Variants in SHROOM3 observed in about 807,000 individuals in gnomAD.
The protein encoded by SHROOM3 is shroom family member 3.
Under a neutral mutation model 138.6 loss-of-function variants are expected in SHROOM3, and 47 were observed. The ratio of observed to expected loss-of-function variants is 0.34; its 90% CI spans 0.27 to 0.43. SHROOM3 has a LOEUF of 0.43. Among genes scored for constraint, SHROOM3 ranks in the 20% least tolerant of loss-of-function variants. SHROOM3 has a pLI of 1.00. For synonymous variants in SHROOM3, 1,062 were observed against 1,063.3 expected (o/e 1.00, Z 0.02); for missense variants, 2,491 against 2,596.5 (o/e 0.96, Z 0.88).
At chr4:76,436,392 T>A (rs1352430303) in intron 1 of SHROOM3, among the ~76,000 whole-genome samples, 172 bp downstream of exon 1, 1 of 152,198 alleles carries the variant, frequency 6.6e-6, no homozygotes, top group Non-Finnish European at 1.5e-5. Flanking sequence ...AAGAAAAATG[T>A]GTCTAGCTCA....
At chr4:76,560,296 A>G (rs1733573542) in intron 2 of SHROOM3, among the ~76,000 whole-genome samples, 1 of 152,214 alleles carries the variant, frequency 6.6e-6, no homozygotes, top group South Asian at 2.1e-4. Context: ...TAGTATAAGG[A>G]ATGCTCACTG....
At chr4:76,449,883 G>A (rs1730890548) in intron 1 of SHROOM3, among the ~76,000 whole-genome samples, 1 of 152,202 alleles carries the variant, frequency 6.6e-6, no homozygotes, top group South Asian at 2.1e-4. Flanking sequence ...AGTCTGAACT[G>A]TGAATAATAG....
chr4:76,742,025 G>A (rs1721276304), intron 5 of SHROOM3, 99 bp downstream of exon 5: 4 of 1,464,688 alleles, frequency 2.7e-6, no homozygotes, highest in South Asian at 2.4e-5. Flanking sequence ...CGCTCTCCCA[G>A]TTCAGTTTTC....
chr4:76,556,301 C>T (rs1010080384), intron 2 of SHROOM3, among the ~76,000 whole-genome samples: 2 of 152,130 alleles, frequency 1.3e-5, no homozygotes, highest in African/African-American at 2.4e-5. Flanking sequence ...TTTGTACTCC[C>T]GGGAACCAAC....
At chr4:76,610,854 GT>G (rs1734745967) in intron 2 of SHROOM3, among the ~76,000 whole-genome samples, 1 of 152,148 alleles carries the variant, frequency 6.6e-6, no homozygotes, top group African/African-American at 2.4e-5. Flanking sequence ...TGATGAACAT[GT>G]TTTCTCCAGA....
chr4:76,593,166 A>T (rs1231256239), intron 2 of SHROOM3, among the ~76,000 whole-genome samples: 2 of 152,250 alleles, frequency 1.3e-5, no homozygotes, highest in African/African-American at 4.8e-5. Flanking sequence ...AAAAGGAATT[A>T]TTGATGATAA....
At chr4:76,492,987 A>C (rs976926488) in intron 1 of SHROOM3, among the ~76,000 whole-genome samples, 16 of 152,118 alleles carry the variant, frequency 1.1e-4, no homozygotes, top group African/African-American at 3.6e-4. Flanking sequence ...TTGGGAGGCC[A>C]AGGTGGGTGA....
At chr4:76,742,308 G>A (rs1416289733) in intron 5 of SHROOM3, among the ~76,000 whole-genome samples, 1 of 150,472 alleles carries the variant, frequency 6.6e-6, no homozygotes, top group Non-Finnish European at 1.5e-5. Flanking sequence ...TTTTAGCTTT[G>A]CACCCTTTCT....
chr4:76,441,277 T>G (rs1232884760), intron 1 of SHROOM3, among the ~76,000 whole-genome samples: 1 of 151,974 alleles, frequency 6.6e-6, no homozygotes, highest in Non-Finnish European at 1.5e-5. Flanking sequence ...GTATTTTTAG[T>G]AGAGACAGGG....
intron 1 of SHROOM3, among the ~76,000 whole-genome samples, chr4:76,487,187 T>C (rs1731749762): frequency 6.6e-6 from 1 of 152,330 alleles, no homozygotes; most frequent in Admixed American, 6.5e-5. Context: ...TAGAACCATA[T>C]ACTGTGTGGC....
chr4:76,566,373 G>C (rs1302352339), intron 2 of SHROOM3, among the ~76,000 whole-genome samples: 1 of 152,038 alleles, frequency 6.6e-6, no homozygotes, highest in Non-Finnish European at 1.5e-5. Context: ...GGGGGTCCTG[G>C]AACCAATCCC....
rs375928056 is a variant in SHROOM3, at chr4:76,565,790, T to C, written c.323+10027T>C. 3.3e-5 allele frequency among the ~76,000 whole-genome samples: 5 copies of C among 152,220 alleles called. No homozygotes were observed. The South Asian group carries it at 1.0e-3, about 32-fold the overall frequency. On this transcript the variant is annotated intron_variant, in intron 2 of 10. Coordinates refer to ENST00000296043, the MANE Select transcript of SHROOM3 (RefSeq NM_020859.4). ...CTCAGAGAGTCTAATTTAATAGATG[T>C]GGGGGTGTAGCCCTGTATTGGAAAC...
At chr4:76,689,641 C>G in intron 2 of SHROOM3, 2 of 985,418 alleles carry the variant, frequency 2.0e-6, no homozygotes, top group Non-Finnish European at 2.4e-6. Context: ...GAAGTTTGAA[C>G]TTGGCGTCGG....
intron 2 of SHROOM3, among the ~76,000 whole-genome samples, chr4:76,602,309 C>A (rs1045323337): frequency 2.0e-5 from 3 of 152,020 alleles, no homozygotes; most frequent in Admixed American, 6.5e-5. Context: ...TAGGTCATCA[C>A]CTACAGGAAA....
In SHROOM3 at chr4:76,468,895, G is replaced by A. The variant is rs184552979; in HGVS notation, c.168+32675G>A. Among the ~76,000 whole-genome samples, 474 of 152,082 alleles carry A rather than the reference G, an allele frequency of 3.1e-3. 3 individuals carry two copies. Among genetic ancestry groups the A allele is most frequent in the African/African-American group, 0.011 (437 of 41,466 alleles). On this transcript the variant is annotated intron_variant, in intron 1 of 10. Transcript: ENST00000296043. ...AAATACAAAAAAAAATTAGCCAGGC[G>A]TGGTGGCAGGCGACTGTAGTCCCAG...
At chr4:76,482,692 G>GCAAAAAGA (rs1226542164) in intron 1 of SHROOM3, among the ~76,000 whole-genome samples, 3 of 152,050 alleles carry the variant, frequency 2.0e-5, no homozygotes, top group African/African-American at 7.2e-5. Flanking sequence ...ACATAGCCAA[G>GCAAAAAGA]ACAATCCTAA....
chr4:76,538,655 TA>T (rs1466207085), intron 1 of SHROOM3, among the ~76,000 whole-genome samples: 5 of 152,054 alleles, frequency 3.3e-5, no homozygotes, highest in Admixed American at 1.3e-4. Flanking sequence ...GTGAAGGACT[TA>T]AAAAAAACTT....
At chr4:76,705,518 G>C (rs1264121116) in intron 2 of SHROOM3, among the ~76,000 whole-genome samples, 1 of 152,074 alleles carries the variant, frequency 6.6e-6, no homozygotes, top group Non-Finnish European at 1.5e-5. Flanking sequence ...AAAACAAAAA[G>C]CAAATAAGAA....
chr4:76,503,541 G>A lies in SHROOM3; in HGVS notation c.169-52068G>A, dbSNP rs1430895616. Reference sequence around the variant, plus strand: ...CCTCCCAGGTTCAAACAATTCTCATGCCTCAGCCTCCCAGGTAGCTGGGAT... The same window carrying A: ...CCTCCCAGGTTCAAACAATTCTCATACCTCAGCCTCCCAGGTAGCTGGGAT... On this transcript the variant is annotated intron_variant, in intron 1 of 10. Coordinates refer to ENST00000296043, the MANE Select transcript of SHROOM3 (RefSeq NM_020859.4). Among the ~76,000 whole-genome samples, 9 of 152,084 alleles carry A rather than the reference G, an allele frequency of 5.9e-5. No homozygotes were observed. The East Asian group carries it at 1.7e-3, about 29-fold the overall frequency.
Sources: gnomAD v4.1 joint callset for allele counts (sites outside exome capture counted in the v4.1 genomes callset) on GRCh38, gnomAD v4.1.1 for gene constraint, MANE v1.5 for transcripts, NCBI Gene and HGNC (gene_info 2026-07-23, HGNC 2026-07-21) for gene names.